The following HIC1 variants were observed in gnomAD, a reference collection of about 807,000 sequenced individuals.
HIC1 encodes the protein hypermethylated in cancer 1 protein.
A neutral mutation model predicts 26.4 loss-of-function variants in HIC1; 9 were observed. The observed-to-expected ratio is 0.34, with a 90% CI of 0.21 to 0.59. HIC1 has a LOEUF of 0.59. Ranked by LOEUF, HIC1 falls within the 20% of genes least tolerant of loss-of-function variation. HIC1 has a pLI of 0.82. For missense variants in HIC1, 965 were observed against 1,075.7 expected, an observed-to-expected ratio of 0.90 and a Z score of 1.44; for synonymous variants, 631 against 523.1, an observed-to-expected ratio of 1.21 and a Z score of -2.81.
Position 2,058,219 on chromosome 17 carries a change from A to G in HIC1, c.1529A>G (p.His510Arg). 6.2e-7 allele frequency: 1 copy of G among 1,611,764 alleles called. No homozygotes were observed. The highest frequency in any genetic ancestry group is 8.5e-7 in the Non-Finnish European group (1 of 1,179,800). The change falls in exon 2 of 2, where the codon CAC (histidine) becomes CGC (arginine). Residue 510 changes from histidine to arginine, a missense_variant. His to Arg is a conservative substitution (Grantham distance 29). Transcript: ENST00000619757. ...ACGCTGCGGCAGCACGAGAAGACGC[A>G]CTGGCTGACCCGGCCCTACCCATGC... ...PATLRQHEKT[H>R]WLTRPYPCTI...
Position 2,061,697 on chromosome 17 carries a change from G to GA in HIC1, c.*2864dup. On this transcript the variant is annotated 3_prime_UTR_variant, in exon 2 of 2. Transcript: ENST00000619757. ...GGCTGGCTGCTCTTCTCACCCTGGA[G>GA]AATGTGGTCCTGGGGAGGGGGTGCC... The GA allele has an allele frequency of 1.3e-6, 2 of 1,495,768 alleles. No individual in the cohort carries two copies. Among genetic ancestry groups the GA allele is most frequent in the Non-Finnish European group, 1.8e-6 (2 of 1,106,714 alleles). 92.7% of individuals were successfully genotyped at this position (1,495,768 alleles called of 1,614,324 possible).
Position 2,059,276 on chromosome 17 carries a change from G to C in HIC1, c.*441G>C, listed in dbSNP as rs1042689421. On this transcript the variant is annotated 3_prime_UTR_variant, in exon 2 of 2. Transcript: ENST00000619757. ...TCGGAGCGTCGGGCAGAGTTGGGGAGTGGGGAGGGGACTGAGCCGGCCGGA... is the reference window on the plus strand; with the variant it reads ...TCGGAGCGTCGGGCAGAGTTGGGGACTGGGGAGGGGACTGAGCCGGCCGGA... 2.2e-4 allele frequency: 40 copies of C among 178,254 alleles called. No individual in the cohort carries two copies. The highest frequency in any genetic ancestry group is 3.9e-4 in the Non-Finnish European group (30 of 76,440). 11.0% of individuals were successfully genotyped at this position (178,254 alleles called of 1,614,324 possible).
rs368176958 is a variant in HIC1, at chr17:2,056,372, C to A, written c.-20-299C>A. ...GTAACTGTCTCCAAAAGGGTCACTG[C>A]GCCTGAACAGTTTTCTTCTCGGAAG... On this transcript the variant is annotated intron_variant, in intron 1 of 1. Transcript: ENST00000619757. The A allele has an allele frequency of 5.6e-6, 9 of 1,607,648 alleles. No individual in the cohort carries two copies. In the South Asian group the frequency reaches 6.6e-5, roughly 12 times the overall value.
rs974591471 is a variant in HIC1 at position 2,063,118 on chromosome 17, G to T, written c.*4283G>T. Reference sequence around the variant, plus strand: ...AGCAGCCCCACTATTCCTGCCCTGGGCCTCAAACCAGGAGCGTCCCAGGCC... The same window carrying T: ...AGCAGCCCCACTATTCCTGCCCTGGTCCTCAAACCAGGAGCGTCCCAGGCC... On this transcript the variant is annotated 3_prime_UTR_variant, in exon 2 of 2. Transcript: ENST00000619757. The T allele has an allele frequency of 6.6e-6, 1 of 152,192 alleles. No homozygotes were observed. Among genetic ancestry groups the T allele is most frequent in the Non-Finnish European group, 1.5e-5 (1 of 68,044 alleles). 9.4% of individuals were successfully genotyped at this position (152,192 alleles called of 1,614,324 possible).
Position 2,057,488 on chromosome 17 carries a change from C to A in HIC1, c.798C>A (p.Ala266=). The A allele has an allele frequency of 6.7e-7, 1 of 1,483,854 alleles. No homozygotes were observed. The highest frequency in any genetic ancestry group is 1.3e-5 in the South Asian group (1 of 79,482). The allele number at this position is 1,483,854 out of a possible 1,614,324, so 91.9% of individuals were successfully genotyped here. Residue 266 remains alanine (A), a synonymous_variant, in exon 2 of 2, where the codon GCC becomes GCA. Transcript: ENST00000619757. ...CCGCCTACAAGGAGCCGCCTCTCGC[C>A]CTGCCGTCGCTGCCGCCGCTGCCCT... ...GPAAYKEPPL[A]LPSLPPLPFQ... is the part of the protein sequence containing the mutation.
At position 2,057,381 on chromosome 17, in the gene HIC1, C is replaced by T. The variant is rs895267158; in HGVS notation, c.691C>T (p.Pro231Ser). ...CCTGGACCTGTCCAAGAAGAGCCCG[C>T]CGGGCTCCGCGGCGCCAGAGCGGCC... ...CGLDLSKKSP[P>S]GSAAPERPLA... Residue 231 changes from proline to serine, a missense_variant, in exon 2 of 2, where the codon CCG becomes TCG. This residue lies in a region of HIC1 where 526 missense variants were observed against 525.0 expected (regional missense o/e 1.00). Transcript: ENST00000619757. 1.1e-5 allele frequency: 16 copies of T among 1,447,826 alleles called. No individual in the cohort carries two copies. The African/African-American group carries it at 2.4e-4, about 21-fold the overall frequency. 89.7% of individuals were successfully genotyped at this position (1,447,826 alleles called of 1,614,324 possible).
At position 2,060,817 on chromosome 17, in the gene HIC1, G is replaced by A. The variant is rs561159404; in HGVS notation, c.*1982G>A. ...GACTGTCCACGGGGACGCAACTGGC[G>A]AAGTGTGAGGGACCCAGGTTGATAA... On this transcript the variant is annotated 3_prime_UTR_variant, in exon 2 of 2. Coordinates refer to ENST00000619757, the MANE Select transcript of HIC1 (RefSeq NM_006497.4). 279 of 152,860 alleles carry A rather than the reference G, an allele frequency of 1.8e-3. 2 individuals are homozygous for A. The highest frequency in any genetic ancestry group is 2.4e-3 in the African/African-American group (101 of 41,570). The allele number at this position is 152,860 out of a possible 1,614,324, so 9.5% of individuals were successfully genotyped here. A position where few individuals can be genotyped will look rare whatever the true frequency, so the allele number is the denominator to read the frequency against.
At chr17:2,056,451 C>T (rs1303742371) in intron 1 of HIC1, 58 of 1,372,936 alleles carry the variant, frequency 4.2e-5, no homozygotes, top group Non-Finnish European at 6.0e-5. Context: ...GGCCTCCCCT[C>T]CACCGGCGGC....
chr17:2,061,365 G>A lies in HIC1; in HGVS notation c.*2530G>A. On this transcript the variant is annotated 3_prime_UTR_variant, in exon 2 of 2. Coordinates refer to ENST00000619757, the MANE Select transcript of HIC1 (RefSeq NM_006497.4). ...CCACAGCATGGCCGTGGCGTGGGTTGGAAGAGGATGGTTTATTGTCTGGGT... is the reference window on the plus strand; with the variant it reads ...CCACAGCATGGCCGTGGCGTGGGTTAGAAGAGGATGGTTTATTGTCTGGGT... 3.2e-6 allele frequency: 3 copies of A among 941,598 alleles called. No individual in the cohort carries two copies. The highest frequency in any genetic ancestry group is 4.7e-6 in the Non-Finnish European group (3 of 637,526). The allele number at this position is 941,598 out of a possible 1,614,324, so 58.3% of individuals were successfully genotyped here.
Position 2,057,375 on chromosome 17 carries a change from A to G in HIC1, c.685A>G (p.Ser229Gly). Reference protein sequence around the residue: ...PLCGLDLSKKSPPGSAAPERP... With the variant: ...PLCGLDLSKKGPPGSAAPERP... ...TTGTGGCCTGGACCTGTCCAAGAAG[A>G]GCCCGCCGGGCTCCGCGGCGCCAGA... The change falls in exon 2 of 2, where the codon AGC becomes GGC. Residue 229 changes from serine to glycine, a missense_variant. Physicochemically the swap from Ser to Gly is moderately conservative, Grantham distance 56. Around this residue, in one of 6 missense-constraint regions of HIC1, gnomAD observed 526 missense variants for 525.0 expected, o/e 1.00. Transcript: ENST00000619757. The G allele has an allele frequency of 6.9e-7, 1 of 1,455,694 alleles. No individual in the cohort carries two copies. Among genetic ancestry groups the G allele is most frequent in the Non-Finnish European group, 9.0e-7 (1 of 1,111,246 alleles). 90.2% of individuals were successfully genotyped at this position (1,455,694 alleles called of 1,614,324 possible).
chr17:2,062,195 G>C lies in HIC1; in HGVS notation c.*3360G>C, dbSNP rs2067800911. On this transcript the variant is annotated 3_prime_UTR_variant, in exon 2 of 2. Transcript: ENST00000619757. The stretch of plus-strand genomic sequence containing the variant: ...AGAATTGTGCCAAGGGCACACCAAG[G>C]CTTTGGCCAACCGGTCGCCCCTGCT... The C allele has an allele frequency of 6.5e-6, 1 of 152,740 alleles. No homozygotes were observed. The highest frequency in any genetic ancestry group is 1.9e-4 in the East Asian group (1 of 5,200). 9.5% of individuals were successfully genotyped at this position (152,740 alleles called of 1,614,324 possible).
Position 2,060,087 on chromosome 17 carries a change from TC to T in HIC1, c.*1254del, listed in dbSNP as rs1374095583. 1.3e-5 allele frequency: 2 copies of T among 152,968 alleles called. No individual in the cohort carries two copies. Among genetic ancestry groups the T allele is most frequent in the Non-Finnish European group, 2.9e-5 (2 of 68,644 alleles). The allele number at this position is 152,968 out of a possible 1,614,324, so 9.5% of individuals were successfully genotyped here. On this transcript the variant is annotated 3_prime_UTR_variant, in exon 2 of 2. Transcript: ENST00000619757. ...CGGTACCCCATCGCTTCTGGCATAG[TC>T]CTGGGCCTCAGGGAGGGCAGAGCTG...
intron 1 of HIC1, chr17:2,056,340 A>T: frequency 6.2e-7 from 1 of 1,613,362 alleles, no homozygotes; most frequent in African/African-American, 1.3e-5. Flanking sequence ...CATTTTACTT[A>T]AATCGGGTAA....
In HIC1 at chr17:2,055,539, C is replaced by G. The variant is rs2067663796; in HGVS notation, c.-21+301C>G. Among the ~76,000 whole-genome samples, 1 of 151,262 alleles carries G rather than the reference C, an allele frequency of 6.6e-6. No individual in the cohort carries two copies. The highest frequency in any genetic ancestry group is 6.6e-5 in the Admixed American group (1 of 15,230). ...GGCTGGCAGGGGCGCTGCCCTGGCACAGCTCGGGGCCTGGCAGCGGCGGGT... is the reference window on the plus strand; with the variant it reads ...GGCTGGCAGGGGCGCTGCCCTGGCAGAGCTCGGGGCCTGGCAGCGGCGGGT... On this transcript the variant is annotated intron_variant, in intron 1 of 1. Coordinates refer to ENST00000619757, the MANE Select transcript of HIC1 (RefSeq NM_006497.4). The surrounding 1 kb of genome is among the most constrained non-coding windows in gnomAD (Gnocchi z 6.4).
Position 2,059,431 on chromosome 17 carries a change from T to G in HIC1, c.*596T>G, listed in dbSNP as rs1234511139. 1.8e-5 allele frequency: 3 copies of G among 166,176 alleles called. No individual in the cohort carries two copies. The highest frequency in any genetic ancestry group is 1.3e-4 in the Admixed American group (2 of 15,176). 10.3% of individuals were successfully genotyped at this position (166,176 alleles called of 1,614,324 possible). ...TCACCAAGGGCGGGGAGTTCTGGAG[T>G]CGGAAGGCGAAGAGCCTACCACCAG... On this transcript the variant is annotated 3_prime_UTR_variant, in exon 2 of 2. Coordinates refer to ENST00000619757, the MANE Select transcript of HIC1 (RefSeq NM_006497.4).
chr17:2,058,249 T>C lies in HIC1; in HGVS notation c.1559T>C (p.Ile520Thr). The C allele has an allele frequency of 1.9e-6, 3 of 1,611,622 alleles. No individual in the cohort carries two copies. The highest frequency in any genetic ancestry group is 2.5e-6 in the Non-Finnish European group (3 of 1,179,652). ...CTGACCCGGCCCTACCCATGCACCA[T>C]CTGCGGGAAGAAGTTCACGCAGCGT... Reference protein sequence around the residue: ...HWLTRPYPCTICGKKFTQRGT... With the variant: ...HWLTRPYPCTTCGKKFTQRGT... Residue 520 changes from isoleucine to threonine, a missense_variant, in exon 2 of 2, where the codon ATC (isoleucine) becomes ACC (threonine). Ile to Thr is a moderately conservative substitution (Grantham distance 89). Transcript: ENST00000619757.
At position 2,058,472 on chromosome 17, in the gene HIC1, C is replaced by A; in HGVS notation, c.1782C>A (p.His594Gln). Residue 594 changes from histidine (H) to glutamine (Q), a missense_variant, in exon 2 of 2, where the codon CAC (histidine) becomes CAA (glutamine). Around this residue, in one of 6 missense-constraint regions of HIC1, gnomAD observed 210 missense variants for 179.2 expected, o/e 1.17. Transcript: ENST00000619757. The part of the protein sequence containing the change: ...QRNLISHMKM[H>Q]AVGGAAGAAG... ...ACCTCATCAGCCACATGAAGATGCACGCCGTGGGGGGCGCGGCCGGCGCGG... is the reference window on the plus strand; with the variant it reads ...ACCTCATCAGCCACATGAAGATGCAAGCCGTGGGGGGCGCGGCCGGCGCGG... 1.3e-6 allele frequency: 2 copies of A among 1,531,408 alleles called. No homozygotes were observed. The allele number at this position is 1,531,408 out of a possible 1,614,324, so 94.9% of individuals were successfully genotyped here. A position where few individuals can be genotyped will look rare whatever the true frequency, so the allele number is the denominator to read the frequency against.
At position 2,061,443 on chromosome 17, in the gene HIC1, T is replaced by C. The variant is rs776381239; in HGVS notation, c.*2608T>C. The C allele has an allele frequency of 6.7e-7, 1 of 1,498,854 alleles. No individual in the cohort carries two copies. The highest frequency in any genetic ancestry group is 2.5e-5 in the East Asian group (1 of 39,336). 92.8% of individuals were successfully genotyped at this position (1,498,854 alleles called of 1,614,324 possible). Reference sequence around the variant, plus strand: ...CTTCCGTGCTACACTGGGCGCCTGGTGGCCTTTCAGGAACGGTTCCACGGG... The same window carrying C: ...CTTCCGTGCTACACTGGGCGCCTGGCGGCCTTTCAGGAACGGTTCCACGGG... On this transcript the variant is annotated 3_prime_UTR_variant, in exon 2 of 2. Transcript: ENST00000619757.
In HIC1 at chr17:2,057,011, G is replaced by T; in HGVS notation, c.321G>T (p.Leu107=). ...TGGCCCCGGGGGCTGAGCCGAGCCTGGGCGCCGTGCTGGCCGCCGCCAGCT... is the reference window on the plus strand; with the variant it reads ...TGGCCCCGGGGGCTGAGCCGAGCCTTGGCGCCGTGCTGGCCGCCGCCAGCT... ...AAVAPGAEPS[L]GAVLAAASYL... is the part of the protein sequence containing the mutation. Residue 107 remains leucine, a synonymous_variant, in exon 2 of 2, where the codon CTG becomes CTT. Transcript: ENST00000619757. The T allele has an allele frequency of 6.6e-7, 1 of 1,507,176 alleles. No homozygotes were observed. The highest frequency in any genetic ancestry group is 2.7e-5 in the East Asian group (1 of 36,674). 93.4% of individuals were successfully genotyped at this position (1,507,176 alleles called of 1,614,324 possible).
Sources: gnomAD v4.1 joint callset for allele counts (sites outside exome capture counted in the v4.1 genomes callset) on GRCh38, gnomAD v4.1.1 for gene constraint, gnomAD v4.1.1 regional missense constraint, Gnocchi (gnomAD v3.1) non-coding constraint, MANE v1.5 for transcripts, NCBI Gene and HGNC (gene_info 2026-07-23, HGNC 2026-07-21) for gene names.